EPHB1: variants seen among roughly 807,000 people sequenced by gnomAD.
The protein encoded by EPHB1 is ephrin type-B receptor 1.
EPHB1 carries 30 observed loss-of-function variants against 94.4 expected under a neutral mutation model. That is an observed-to-expected ratio of 0.32 (90% CI 0.24 to 0.43). The LOEUF (loss-of-function observed/expected upper bound fraction) is 0.43. EPHB1 is among the 20% of genes least tolerant of loss of function. The probability of loss-of-function intolerance (pLI) is 1.00; values close to 1 mark genes in which losing one functional copy is unlikely to be tolerated. For synonymous variants in EPHB1, 522 were observed against 489.1 expected, an observed-to-expected ratio of 1.07 and a Z score of -0.89; for missense variants, 1,055 against 1,308.3, an observed-to-expected ratio of 0.81 and a Z score of 2.99.
intron 1 of EPHB1, among the ~76,000 whole-genome samples, chr3:134,807,379 G>T (rs937134893): frequency 6.6e-6 from 1 of 152,146 alleles, no homozygotes; most frequent in Non-Finnish European, 1.5e-5. Flanking sequence ...CAGACTACAG[G>T]CTGTAATAGG....
At position 135,113,520 on chromosome 3, in the gene EPHB1, C is replaced by A. The variant is rs569079627; in HGVS notation, c.961+6917C>A. ...TGTTAGCCTTCTCCCTCCAGTAACCCCGAGAGGCAGAGGCGGTCATGCCAC... is the reference window on the plus strand; with the variant it reads ...TGTTAGCCTTCTCCCTCCAGTAACCACGAGAGGCAGAGGCGGTCATGCCAC... On this transcript the variant is annotated intron_variant, in intron 4 of 15. Coordinates refer to ENST00000398015, the MANE Select transcript of EPHB1 (RefSeq NM_004441.5). Among the ~76,000 whole-genome samples, 384 of 152,268 alleles carry A rather than the reference C, an allele frequency of 2.5e-3. 1 individual carries two copies. Among genetic ancestry groups the A allele is most frequent in the Non-Finnish European group, 3.7e-3 (253 of 68,008 alleles).
At chr3:135,055,477 G>A (rs1253879985) in intron 3 of EPHB1, among the ~76,000 whole-genome samples, 1 of 152,142 alleles carries the variant, frequency 6.6e-6, no homozygotes, top group Admixed American at 6.5e-5. Flanking sequence ...GAACACCAAG[G>A]TACAGGAAGA....
At chr3:134,983,460 C>A (rs1240220483) in intron 3 of EPHB1, among the ~76,000 whole-genome samples, 1 of 152,250 alleles carries the variant, frequency 6.6e-6, no homozygotes. Context: ...AATGCTAATT[C>A]TCTCTTGCCA....
At chr3:135,182,955 T>C (rs928706048) in intron 10 of EPHB1, among the ~76,000 whole-genome samples, 1 of 150,634 alleles carries the variant, frequency 6.6e-6, no homozygotes, top group Non-Finnish European at 1.5e-5. Flanking sequence ...CTGTTTGTTC[T>C]TTCGTTTCTT....
chr3:135,005,626 A>C (rs1387508205), intron 3 of EPHB1, among the ~76,000 whole-genome samples: 2 of 152,084 alleles, frequency 1.3e-5, no homozygotes, highest in Admixed American at 1.3e-4. Context: ...TGGGTGTAGG[A>C]CCCTCCGAGC....
intron 5 of EPHB1, among the ~76,000 whole-genome samples, chr3:135,151,748 A>C (rs1232787774): frequency 6.6e-6 from 1 of 152,242 alleles, no homozygotes; most frequent in Non-Finnish European, 1.5e-5. Context: ...TACACTTGAC[A>C]GCTTAATCAA....
At chr3:135,047,868 T>TA (rs902985271) in intron 3 of EPHB1, among the ~76,000 whole-genome samples, 2 of 152,166 alleles carry the variant, frequency 1.3e-5, no homozygotes, top group African/African-American at 4.8e-5. Context: ...ATGATGCTGT[T>TA]ACACACCTTA....
At chr3:135,004,403 A>G (rs1316538985) in intron 3 of EPHB1, among the ~76,000 whole-genome samples, 1 of 151,590 alleles carries the variant, frequency 6.6e-6, no homozygotes, top group Non-Finnish European at 1.5e-5. Flanking sequence ...TTTTTCCTTC[A>G]TTTCAACTTT....
intron 3 of EPHB1, among the ~76,000 whole-genome samples, chr3:135,065,529 A>G (rs921545265): frequency 2.0e-5 from 3 of 152,256 alleles, no homozygotes; most frequent in Middle Eastern, 3.4e-3. Context: ...TTTGGTGTCA[A>G]TTTGCATGAA....
chr3:135,218,634 G>T (rs1943209303), intron 12 of EPHB1, among the ~76,000 whole-genome samples: 1 of 152,212 alleles, frequency 6.6e-6, no homozygotes, highest in Admixed American at 6.5e-5. Context: ...CCACCTGGGT[G>T]CAGGCCCATG....
chr3:134,852,677 G>T (rs945080368), intron 1 of EPHB1: 10 of 151,756 alleles, frequency 6.6e-5, no homozygotes, highest in African/African-American at 2.4e-4. Flanking sequence ...GTGTGTGTGT[G>T]TGTGTGTGTC....
intron 12 of EPHB1, among the ~76,000 whole-genome samples, chr3:135,205,613 T>C (rs1942880847): frequency 6.6e-6 from 1 of 152,254 alleles, no homozygotes; most frequent in Non-Finnish European, 1.5e-5. Flanking sequence ...TCCCACATTT[T>C]ATTTTGAAAA....
At chr3:135,215,611 A>T (rs555329783) in intron 12 of EPHB1, among the ~76,000 whole-genome samples, 7 of 152,248 alleles carry the variant, frequency 4.6e-5, no homozygotes, top group Non-Finnish European at 1.0e-4. Context: ...ACCTCGTGGC[A>T]GGATCACCAT....
intron 9 of EPHB1, among the ~76,000 whole-genome samples, chr3:135,168,048 A>C (rs4894248): frequency 0.79 from 120,144 of 152,144 alleles, 47,623 homozygotes; most frequent in East Asian, 1. Context: ...GAAAGTGATG[A>C]CAGGATGTTC....
At chr3:135,063,861 GTGTCCCT>G (rs1576356470) in intron 3 of EPHB1, among the ~76,000 whole-genome samples, 1 of 151,896 alleles carries the variant, frequency 6.6e-6, no homozygotes, top group African/African-American at 2.4e-5. Context: ...ACATTGAGGT[GTGTCCCT>G]TGTATGCTGA....
chr3:135,194,503 G>GC (rs762810000), intron 11 of EPHB1, among the ~76,000 whole-genome samples: 3 of 152,216 alleles, frequency 2.0e-5, no homozygotes, highest in Non-Finnish European at 4.4e-5. Flanking sequence ...CAGCGAAACA[G>GC]TGTATATGAA....
chr3:134,847,151 A>T (rs2036891317), intron 1 of EPHB1, among the ~76,000 whole-genome samples: 1 of 151,796 alleles, frequency 6.6e-6, no homozygotes, highest in Non-Finnish European at 1.5e-5. Flanking sequence ...GAGGTGACTC[A>T]GGTTAAAACA....
chr3:135,102,803 A>G (rs1385436936), intron 3 of EPHB1, among the ~76,000 whole-genome samples: 1 of 152,256 alleles, frequency 6.6e-6, no homozygotes. Flanking sequence ...AGCCATAAAA[A>G]GAATGAGTTC....
chr3:134,994,337 C>T (rs1226110003), intron 3 of EPHB1, among the ~76,000 whole-genome samples: 1 of 152,180 alleles, frequency 6.6e-6, no homozygotes, highest in Non-Finnish European at 1.5e-5. Flanking sequence ...ATCCCCTCTC[C>T]CTGTCTGCAC....
Sources: gnomAD v4.1 joint callset for allele counts (sites outside exome capture counted in the v4.1 genomes callset) on GRCh38, gnomAD v4.1.1 for gene constraint, MANE v1.5 for transcripts, NCBI Gene and HGNC (gene_info 2026-07-23, HGNC 2026-07-21) for gene names.